The following ANKRD7 variants were observed in gnomAD, a reference collection of about 807,000 sequenced individuals.
ANKRD7 encodes the protein ankyrin repeat domain-containing protein 7.
A neutral mutation model predicts 30.8 loss-of-function variants in ANKRD7; 30 were observed. The observed-to-expected ratio is 0.97, with a 90% confidence interval of 0.73 to 1.32. ANKRD7 has a LOEUF of 1.32. Among genes scored for constraint, ANKRD7 ranks in the 40% most tolerant of loss-of-function variants. The pLI is 0.00. For missense variants in ANKRD7, 264 were observed against 295.7 expected (o/e 0.89, Z 0.79); for synonymous variants, 97 against 106.6 (o/e 0.91, Z 0.55).
At chr7:118,240,270 T>C (rs1809806279) in intron 6 of ANKRD7, among the ~76,000 whole-genome samples, 1 of 152,096 alleles carries the variant, frequency 6.6e-6, no homozygotes, top group Admixed American at 6.6e-5. Flanking sequence ...CACTAACTCG[T>C]CATCTAGCAT....
In ANKRD7 at chr7:118,234,487, T is replaced by A; in HGVS notation, c.236T>A (p.Ile79Asn). Residue 79 changes from isoleucine (I) to asparagine (N), a missense_variant, in exon 2 of 7, where the codon ATT becomes AAT. Coordinates refer to ENST00000265224, the MANE Select transcript of ANKRD7 (RefSeq NM_019644.4). ...NGHTDVVLFLIEQQCKINVRD... is the reference protein window; with the variant it reads ...NGHTDVVLFLNEQQCKINVRD... ...CATACAGATGTTGTACTTTTCCTAA[T>A]TGAGCAACAATGCAAAATAAATGTC... is the stretch of plus-strand genomic sequence containing the variant. 1 of 1,613,326 alleles carries A rather than the reference T, an allele frequency of 6.2e-7. No individual in the cohort carries two copies.
At chr7:118,237,531 A>G (rs1427114066) in intron 5 of ANKRD7, among the ~76,000 whole-genome samples, 1 of 152,142 alleles carries the variant, frequency 6.6e-6, no homozygotes, top group Non-Finnish European at 1.5e-5. Context: ...GAAGTTAAAT[A>G]ACATACAAGG....
At chr7:118,235,812 C>A (rs1809718646) in intron 3 of ANKRD7, among the ~76,000 whole-genome samples, 1 of 152,070 alleles carries the variant, frequency 6.6e-6, no homozygotes, top group African/African-American at 2.4e-5. Flanking sequence ...GCTGCTCTTA[C>A]CTACAATTTG....
Position 118,236,057 on chromosome 7 carries a change from T to C in ANKRD7, c.485T>C (p.Leu162Pro). The C allele has an allele frequency of 1.3e-6, 2 of 1,589,462 alleles. No individual in the cohort carries two copies. Among genetic ancestry groups the C allele is most frequent in the Non-Finnish European group, 1.7e-6 (2 of 1,160,280 alleles). Residue 162 changes from leucine to proline, a missense_variant, in exon 4 of 7, where the codon CTA (leucine) becomes CCA (proline). Transcript: ENST00000265224. ...TTTTTTCAGGATGGGTATACTCCACTATTAGTTGCCGTTATTAACAATAAT... is the reference window on the plus strand; with the variant it reads ...TTTTTTCAGGATGGGTATACTCCACCATTAGTTGCCGTTATTAACAATAAT... ...EAKNKDGYTPLLVAVINNNPK... is the reference protein window; with the variant it reads ...EAKNKDGYTPPLVAVINNNPK...
chr7:118,225,437 G>A (rs1279322360), intron 1 of ANKRD7, among the ~76,000 whole-genome samples: 4 of 150,840 alleles, frequency 2.7e-5, no homozygotes, highest in Non-Finnish European at 5.9e-5. Context: ...GCAGTGAGCC[G>A]AGATCGGGCC....
At chr7:118,238,794 C>G (rs1339098450) in intron 5 of ANKRD7, among the ~76,000 whole-genome samples, 1 of 152,160 alleles carries the variant, frequency 6.6e-6, no homozygotes, top group East Asian at 1.9e-4. Flanking sequence ...GTTTCAGTCC[C>G]TGACTGAGTT....
chr7:118,229,197 A>C (rs550787479), intron 1 of ANKRD7, among the ~76,000 whole-genome samples: 2 of 151,958 alleles, frequency 1.3e-5, no homozygotes, highest in South Asian at 2.1e-4. Context: ...TCAGATAGTC[A>C]TATGACTTGC....
chr7:118,234,695 T>C lies in ANKRD7; in HGVS notation c.295-6T>C. On this transcript the variant is annotated splice_polypyrimidine_tract_variant and splice_region_variant and intron_variant, in intron 2 of 6. Transcript: ENST00000265224. The stretch of plus-strand genomic sequence containing the variant: ...GGTTACTCATCTACTCTTGTTGCAT[T>C]AACAGGCAGTACAGTGTCAAAATGA... The C allele has an allele frequency of 6.3e-7, 1 of 1,599,928 alleles. No homozygotes were observed. The highest frequency in any genetic ancestry group is 8.5e-7 in the Non-Finnish European group (1 of 1,175,690).
At chr7:118,239,279 C>T (rs1252358686) in intron 5 of ANKRD7, among the ~76,000 whole-genome samples, 2 of 152,130 alleles carry the variant, frequency 1.3e-5, no homozygotes, top group Admixed American at 6.5e-5. Flanking sequence ...TCTTGTGAAC[C>T]GCTTTGCAAA....
intron 2 of ANKRD7, 29 bp downstream of exon 2, chr7:118,234,574 G>C (rs1809695124): frequency 1.9e-6 from 3 of 1,578,278 alleles, no homozygotes. Flanking sequence ...TTTTCAATTG[G>C]AATGTGTTTG....
At chr7:118,231,394 G>A (rs929085695) in intron 1 of ANKRD7, among the ~76,000 whole-genome samples, 1 of 151,998 alleles carries the variant, frequency 6.6e-6, no homozygotes, top group African/African-American at 2.4e-5. Context: ...AACTTGGTGA[G>A]TGGAGGCCCA....
chr7:118,224,824 C>A lies in ANKRD7; in HGVS notation c.-7C>A. 3 of 1,609,808 alleles carry A rather than the reference C, an allele frequency of 1.9e-6. No individual in the cohort carries two copies. The highest frequency in any genetic ancestry group is 2.5e-6 in the Non-Finnish European group (3 of 1,178,616). On this transcript the variant is annotated 5_prime_UTR_variant, in exon 1 of 7. Coordinates refer to ENST00000265224, the MANE Select transcript of ANKRD7 (RefSeq NM_019644.4). ...GGTCTGAGGGAAAGGCTGCAGCCTG[C>A]ACCGCCATGAATAAGCTTTTCAGCT... is the stretch of plus-strand genomic sequence containing the variant.
intron 1 of ANKRD7, among the ~76,000 whole-genome samples, chr7:118,232,720 T>TGTGTGTG (rs1562872732): frequency 5.1e-4 from 75 of 146,014 alleles, no homozygotes; most frequent in African/African-American, 1.7e-3. Flanking sequence ...AGCAGTGTGT[T>TGTGTGTG]TGTGTGTGTG....
chr7:118,236,979 TCA>T (rs1809741540), intron 5 of ANKRD7, 53 bp downstream of exon 5: 18 of 1,586,368 alleles, frequency 1.1e-5, no homozygotes, highest in Non-Finnish European at 1.5e-5. Flanking sequence ...ATTATAAGGA[TCA>T]AAGCCTAAGC....
intron 5 of ANKRD7, among the ~76,000 whole-genome samples, chr7:118,238,266 A>G (rs1019623541): frequency 6.6e-6 from 1 of 152,022 alleles, no homozygotes; most frequent in Non-Finnish European, 1.5e-5. Context: ...ATAGATTCAT[A>G]TTTTCAATGT....
intron 6 of ANKRD7, among the ~76,000 whole-genome samples, chr7:118,240,762 A>G (rs1323815876): frequency 6.6e-6 from 1 of 152,188 alleles, no homozygotes; most frequent in Admixed American, 6.5e-5. Context: ...AGATATACGA[A>G]TTAATTATAT....
At chr7:118,235,795 A>G (rs1809718439) in intron 3 of ANKRD7, among the ~76,000 whole-genome samples, 1 of 152,174 alleles carries the variant, frequency 6.6e-6, no homozygotes, top group African/African-American at 2.4e-5. Flanking sequence ...TCACTTACTT[A>G]TTCTAGGCTG....
intron 3 of ANKRD7, among the ~76,000 whole-genome samples, chr7:118,235,417 C>T (rs1416467779): frequency 1.3e-5 from 2 of 151,936 alleles, no homozygotes; most frequent in Admixed American, 6.6e-5. Flanking sequence ...TCGAGACCAT[C>T]CTGGCTAACG....
intron 3 of ANKRD7, among the ~76,000 whole-genome samples, chr7:118,235,116 A>G (rs1032343425): frequency 1.3e-5 from 2 of 152,136 alleles, no homozygotes; most frequent in African/African-American, 4.8e-5. Context: ...AACAACTATA[A>G]TTGTTTAACA....
Sources: allele counts gnomAD v4.1 joint callset (sites outside exome capture counted in the v4.1 genomes callset), GRCh38; gene constraint gnomAD v4.1.1; transcripts MANE v1.5; gene names NCBI Gene and HGNC (gene_info 2026-07-23, HGNC 2026-07-21).